The following LAMA2 variants were observed in gnomAD, a reference collection of about 807,000 sequenced individuals.
LAMA2 encodes laminin subunit alpha 2.
Under a neutral mutation model 364.8 loss-of-function variants are expected in LAMA2, and 269 were observed. The ratio of observed to expected loss-of-function variants is 0.74; its 90% CI spans 0.67 to 0.82. The LOEUF (loss-of-function observed/expected upper bound fraction) is 0.82. Among genes scored for constraint, LAMA2 ranks in the 40% least tolerant of loss-of-function variants. The pLI is 0.00. For synonymous variants in LAMA2, 1,379 were observed against 1,370.6 expected (o/e 1.01, Z -0.14); for missense variants, 3,807 against 3,873.2 (o/e 0.98, Z 0.45).
At chr6:128,994,707 G>C (rs1219382439) in intron 1 of LAMA2, among the ~76,000 whole-genome samples, 1 of 151,986 alleles carries the variant, frequency 6.6e-6, no homozygotes, top group Non-Finnish European at 1.5e-5. Context: ...GGTTTTCTGG[G>C]CAGAGAAAAT....
chr6:128,919,930 C>T (rs1366704090), intron 1 of LAMA2, among the ~76,000 whole-genome samples: 3 of 152,124 alleles, frequency 2.0e-5, no homozygotes, highest in Non-Finnish European at 2.9e-5. Flanking sequence ...TACATGACCA[C>T]CTTATTTATA....
At chr6:129,167,380 C>A (rs1779821309) in intron 9 of LAMA2, among the ~76,000 whole-genome samples, 1 of 143,414 alleles carries the variant, frequency 7.0e-6, no homozygotes, top group Admixed American at 7.6e-5. Flanking sequence ...TAGCATTGTT[C>A]AATTCCCACC....
rs1782189476 is a variant in LAMA2, at chr6:129,442,932, G to A, written c.6269-131G>A. 6.4e-6 allele frequency: 4 copies of A among 620,526 alleles called. No homozygotes were observed. In the East Asian group the frequency reaches 1.2e-4, roughly 18 times the overall value. 38.4% of individuals were successfully genotyped at this position (620,526 alleles called of 1,614,324 possible). A position where few individuals can be genotyped will look rare whatever the true frequency, so the allele number is the denominator to read the frequency against. ...ATAACAATTGCTTCAGTTAAAATGG[G>A]GTGCATTTATAATTAGTACCTGTTA... On this transcript the variant is annotated intron_variant, in intron 43 of 64. Coordinates refer to ENST00000421865, the MANE Select transcript of LAMA2 (RefSeq NM_000426.4).
intron 3 of LAMA2, among the ~76,000 whole-genome samples, chr6:129,086,421 T>G (rs1774391573): frequency 6.6e-6 from 1 of 152,198 alleles, no homozygotes; most frequent in African/African-American, 2.4e-5. Flanking sequence ...ATAACAGTTT[T>G]GGTGGTAAAA....
chr6:129,291,559 C>G, intron 19 of LAMA2, 55 bp from the exon 20 acceptor site: 1 of 1,184,654 alleles, frequency 8.4e-7, no homozygotes, highest in Non-Finnish European at 1.3e-6. Flanking sequence ...ATTTAACAAG[C>G]CTATTAAGAC....
Position 129,419,848 on chromosome 6 carries a change from C to T in LAMA2, c.5866-7904C>T, listed in dbSNP as rs547083193. ...CTTTTAAGAGATTTTTGACCAAAGC[C>T]GTCTCTTTGGGGTGTTTCTTGACTC... On this transcript the variant is annotated intron_variant, in intron 40 of 64. Transcript: ENST00000421865. Among the ~76,000 whole-genome samples, 17 of 152,102 alleles carry T rather than the reference C, an allele frequency of 1.1e-4. 3 individuals are homozygous for T. The highest frequency in any genetic ancestry group is 4.1e-4 in the African/African-American group (17 of 41,486).
intron 39 of LAMA2, among the ~76,000 whole-genome samples, 154 bp downstream of exon 39, chr6:129,402,641 G>A (rs763342231): frequency 2.8e-4 from 42 of 152,168 alleles, no homozygotes; most frequent in Non-Finnish European, 5.6e-4. Flanking sequence ...GCTTAATTAG[G>A]AGGGTCTGGG....
chr6:129,364,327 C>A (rs1221414509), intron 32 of LAMA2, among the ~76,000 whole-genome samples: 5 of 152,114 alleles, frequency 3.3e-5, no homozygotes, highest in Non-Finnish European at 7.4e-5. Flanking sequence ...TAATTGAATT[C>A]TTGCCAAGTT....
chr6:129,224,691 A>G (rs1784127034), intron 12 of LAMA2, among the ~76,000 whole-genome samples: 1 of 152,108 alleles, frequency 6.6e-6, no homozygotes, highest in Non-Finnish European at 1.5e-5. Context: ...AGCCCACTTG[A>G]TCGTGGTGGA....
At chr6:129,060,923 G>C (rs1287937279) in intron 3 of LAMA2, among the ~76,000 whole-genome samples, 1 of 152,150 alleles carries the variant, frequency 6.6e-6, no homozygotes, top group Non-Finnish European at 1.5e-5. Flanking sequence ...ACTGGTGGCG[G>C]CAGGGGCTCA....
Position 129,492,470 on chromosome 6 carries a change from C to T in LAMA2, c.8231C>T (p.Pro2744Leu). The change falls in exon 58 of 65, where the codon CCA becomes CTA. Residue 2744 changes from proline to leucine, a missense_variant. Physicochemically the swap from Pro to Leu is moderately conservative, Grantham distance 98. Around this residue, in one of 3 missense-constraint regions of LAMA2, gnomAD observed 3,333 missense variants for 3,345.7 expected, o/e 1.00. Transcript: ENST00000421865. ...VPTPAFPTPTPVLTHGPCAAE... is the reference protein window; with the variant it reads ...VPTPAFPTPTLVLTHGPCAAE... ...ACCCCAGCCTTTCCTACGCCCACCC[C>T]AGTTCTGACACATGTAAGTGTTTAT... is the stretch of plus-strand genomic sequence containing the variant. 1 of 1,613,972 alleles carries T rather than the reference C, an allele frequency of 6.2e-7. No homozygotes were observed. The highest frequency in any genetic ancestry group is 8.5e-7 in the Non-Finnish European group (1 of 1,179,906).
At chr6:129,405,659 C>T (rs548850762) in intron 40 of LAMA2, among the ~76,000 whole-genome samples, 9 of 152,176 alleles carry the variant, frequency 5.9e-5, no homozygotes, top group Non-Finnish European at 1.3e-4. Context: ...CAATCTGTCC[C>T]AGAAATTTTG....
intron 37 of LAMA2, among the ~76,000 whole-genome samples, chr6:129,396,989 CAAAA>C (rs60077388): frequency 4.0e-5 from 5 of 125,958 alleles, no homozygotes; most frequent in Admixed American, 8.0e-5. Flanking sequence ...GACAGTGTCT[CAAAA>C]AAAAAAAAAA....
At chr6:129,057,667 T>C (rs1240965553) in intron 2 of LAMA2, among the ~76,000 whole-genome samples, 2 of 152,192 alleles carry the variant, frequency 1.3e-5, no homozygotes, top group African/African-American at 4.8e-5. Context: ...TGTTGAATGA[T>C]TTGTCTGTGG....
At chr6:129,387,120 T>C (rs995274944) in intron 35 of LAMA2, among the ~76,000 whole-genome samples, 15 of 152,212 alleles carry the variant, frequency 9.9e-5, no homozygotes, top group African/African-American at 3.4e-4. Context: ...GGGTATGTGT[T>C]ATATGTTTTG....
chr6:129,108,809 G>T (rs1205502381), intron 4 of LAMA2, among the ~76,000 whole-genome samples: 2 of 151,986 alleles, frequency 1.3e-5, no homozygotes, highest in African/African-American at 2.4e-5. Flanking sequence ...TCCTCTAAAA[G>T]TTTACTATAT....
At chr6:129,494,120 A>G (rs1422705494) in intron 58 of LAMA2, among the ~76,000 whole-genome samples, 2 of 152,198 alleles carry the variant, frequency 1.3e-5, no homozygotes, top group African/African-American at 4.8e-5. Flanking sequence ...TCACCAATAC[A>G]ACAAAGATGG....
Position 129,112,109 on chromosome 6 carries a change from A to G in LAMA2, c.639+13694A>G, listed in dbSNP as rs112759195. On this transcript the variant is annotated intron_variant, in intron 4 of 64. Transcript: ENST00000421865. ...GGCATTTTACATGTTTTAAAACCTG[A>G]CATCCACTTACAGCACTTATCTACT... Among the ~76,000 whole-genome samples the G allele has an allele frequency of 4.6e-5, 7 of 152,148 alleles. 1 individual carries two copies. The highest frequency in any genetic ancestry group is 1.7e-4 in the African/African-American group (7 of 41,538).
chr6:129,165,931 C>A lies in LAMA2; in HGVS notation c.1306+256C>A, dbSNP rs141537701. Among the ~76,000 whole-genome samples the A allele has an allele frequency of 1.3e-4, 20 of 150,692 alleles. 1 individual carries two copies. Among genetic ancestry groups the A allele is most frequent in the Non-Finnish European group, 2.5e-4 (17 of 67,930 alleles). On this transcript the variant is annotated intron_variant, in intron 9 of 64. Transcript: ENST00000421865. ...TTTGAGATACACACACACACATACA[C>A]AGAGATAAAGAAAGAGAGAGAGTCA... is the stretch of plus-strand genomic sequence containing the variant.
Sources: gnomAD v4.1 joint callset for allele counts (sites outside exome capture counted in the v4.1 genomes callset) on GRCh38, gnomAD v4.1.1 for gene constraint, gnomAD v4.1.1 regional missense constraint, MANE v1.5 for transcripts, NCBI Gene and HGNC (gene_info 2026-07-23, HGNC 2026-07-21) for gene names.